The following SPTB variants were observed in gnomAD, a reference collection of about 807,000 sequenced individuals.
The protein encoded by SPTB is spectrin beta chain, erythrocytic.
Under a neutral mutation model 256.2 loss-of-function variants are expected in SPTB, and 45 were observed. That is an observed-to-expected ratio of 0.18 (90% CI 0.14 to 0.23). The LOEUF (loss-of-function observed/expected upper bound fraction) is 0.23, where lower values mean the gene tolerates loss of function less well. Ranked by LOEUF, SPTB falls within the 10% of genes least tolerant of loss-of-function variation. SPTB has a pLI of 1.00. For missense variants in SPTB, 2,715 were observed against 3,040.4 expected (o/e 0.89, Z 2.52); for synonymous variants, 1,231 against 1,243.1 (o/e 0.99, Z 0.21).
intron 19 of SPTB, among the ~76,000 whole-genome samples, chr14:64,783,428 C>T (rs924461716): frequency 6.6e-6 from 1 of 152,170 alleles, no homozygotes; most frequent in Non-Finnish European, 1.5e-5. Flanking sequence ...TCTCGAACTC[C>T]AGACCTCAGG....
chr14:64,808,148 G>A (rs997350583), intron 2 of SPTB, among the ~76,000 whole-genome samples: 2 of 152,218 alleles, frequency 1.3e-5, no homozygotes, highest in Non-Finnish European at 2.9e-5. Flanking sequence ...GAGTAGCTGG[G>A]ACTACAGGTG....
At chr14:64,810,900 G>A (rs998202071) in intron 2 of SPTB, among the ~76,000 whole-genome samples, 3 of 152,190 alleles carry the variant, frequency 2.0e-5, no homozygotes, top group Admixed American at 2.0e-4. Context: ...AGGATCACTT[G>A]AGGCCAGGAG....
intron 9 of SPTB, 71 bp from the exon 10 acceptor site, chr14:64,797,917 A>G (rs2082807762): frequency 1.1e-5 from 12 of 1,059,980 alleles, no homozygotes; most frequent in Non-Finnish European, 1.8e-5. Flanking sequence ...TAAAGTCAAC[A>G]CGGAACTGTG....
In SPTB at chr14:64,786,077, C is replaced by G; in HGVS notation, c.3562-126G>C. On this transcript the variant is annotated intron_variant, in intron 16 of 35. Transcript: ENST00000644917. The surrounding 1 kb of genome is among the most constrained non-coding windows in gnomAD (Gnocchi z 5.6). ...TATGAATGAGCCCCCTAGAGTAGTA[C>G]AGGGAGGAGGCACTACTCCCCAGGC... is the stretch of plus-strand genomic sequence containing the variant. The G allele has an allele frequency of 2.0e-6, 2 of 996,488 alleles. No individual in the cohort carries two copies. The highest frequency in any genetic ancestry group is 1.3e-5 in the South Asian group (1 of 74,858). The allele number at this position is 996,488 out of a possible 1,614,324, so 61.7% of individuals were successfully genotyped here.
chr14:64,797,825 C>T lies in SPTB; in HGVS notation c.1086G>A (p.Leu362=), dbSNP rs777496615. 1 of 1,613,990 alleles carries T rather than the reference C, an allele frequency of 6.2e-7. No individual in the cohort carries two copies. Among genetic ancestry groups the T allele is most frequent in the South Asian group, 1.1e-5 (1 of 91,074 alleles). Reference sequence around the variant, plus strand: ...ACTGGATGGTAAAAAGTAGAACTTCCAGATTCCCCTTCTCTTGAAACCTGT... The same window carrying T: ...ACTGGATGGTAAAAAGTAGAACTTCTAGATTCCCCTTCTCTTGAAACCTGT... ...KPPKFQEKGN[L]EVLLFTIQSR... The change falls in exon 10 of 36, where the codon CTG becomes CTA. Residue 362 remains leucine (L), a synonymous_variant. Transcript: ENST00000644917.
In SPTB at chr14:64,772,473, C is replaced by A. The variant is rs1037283593; in HGVS notation, c.5553+107G>T. 1 of 1,487,054 alleles carries A rather than the reference C, an allele frequency of 6.7e-7. No individual in the cohort carries two copies. Among genetic ancestry groups the A allele is most frequent in the South Asian group, 1.3e-5 (1 of 79,334 alleles). 92.1% of individuals were successfully genotyped at this position (1,487,054 alleles called of 1,614,324 possible). On this transcript the variant is annotated intron_variant, in intron 26 of 35. Coordinates refer to ENST00000644917, the MANE Select transcript of SPTB (RefSeq NM_001355436.2). The surrounding 1 kb of genome is among the most constrained non-coding windows in gnomAD (Gnocchi z 5.4). ...CTCCTGGCTGTCTAAGGAGGCAAAA[C>A]CTCCTGGCACTTATCCTAGAGGTTT...
intron 20 of SPTB, among the ~76,000 whole-genome samples, chr14:64,782,035 A>C (rs1283440868): frequency 6.6e-6 from 1 of 152,220 alleles, no homozygotes; most frequent in Non-Finnish European, 1.5e-5. Flanking sequence ...GAACACAAGG[A>C]AACAACAGAC....
At chr14:64,811,649 TA>T (rs1463313371) in intron 2 of SPTB, among the ~76,000 whole-genome samples, 2 of 152,208 alleles carry the variant, frequency 1.3e-5, no homozygotes, top group Non-Finnish European at 2.9e-5. Context: ...TCAGCAAATA[TA>T]ACAAAATATC....
chr14:64,801,321 G>T lies in SPTB; in HGVS notation c.727C>A (p.Arg243Ser). Residue 243 changes from arginine (R) to serine (S), a missense_variant, in exon 7 of 36, where the codon CGC (arginine) becomes AGC (serine). By Grantham distance (110) the Arg-to-Ser change is moderately radical (BLOSUM62 -1). This residue lies in a region of SPTB where 416 missense variants were observed against 571.1 expected (regional missense o/e 0.73). Coordinates refer to ENST00000644917, the MANE Select transcript of SPTB (RefSeq NM_001355436.2). ...NLEHAFNVAE[R>S]QLGIIPLLDP... is the part of the protein sequence containing the mutation. ...AGGAGCGGGATGATGCCCAGCTGGC[G>T]CTCAGCCACATTGAATGCGTGCTCC... 3 of 1,614,116 alleles carry T rather than the reference G, an allele frequency of 1.9e-6. No homozygotes were observed. Among genetic ancestry groups the T allele is most frequent in the Non-Finnish European group, 2.5e-6 (3 of 1,179,978 alleles).
rs2082300166 is a variant in SPTB, at chr14:64,772,908, A to G, written c.5225T>C (p.Ile1742Thr). 9 of 1,605,182 alleles carry G rather than the reference A, an allele frequency of 5.6e-6. No individual in the cohort carries two copies. The highest frequency in any genetic ancestry group is 1.1e-5 in the South Asian group (1 of 90,760). Reference protein sequence around the residue: ...FRDFARETGAIGQERVDNVNA... With the variant: ...FRDFARETGATGQERVDNVNA... ...CACATTGTCCACCCGCTCCTGCCCAATCGCCCCGGTCTCCCGGGCAAAGTC... is the reference window on the plus strand; with the variant it reads ...CACATTGTCCACCCGCTCCTGCCCAGTCGCCCCGGTCTCCCGGGCAAAGTC... The change falls in exon 26 of 36, where the codon ATT (isoleucine) becomes ACT (threonine). Residue 1742 changes from isoleucine to threonine, a missense_variant. Transcript: ENST00000644917. This position sits in a 1 kb window ranked among gnomAD's most constrained non-coding sequence, Gnocchi z 5.4.
rs2139422195 is a variant in SPTB at position 64,750,952 on chromosome 14, C to CATATTTTATACATCATATAATGT, written c.6603-821_6603-799dup. ...ATTATATATCATATACTATATAATA[C>CATATTTTATACATCATATAATGT]ATATTTTATACATCATATAATGTAT... On this transcript the variant is annotated intron_variant, in intron 33 of 35. Coordinates refer to ENST00000644917, the MANE Select transcript of SPTB (RefSeq NM_001355436.2). Among the ~76,000 whole-genome samples the CATATTTTATACATCATATAATGT allele has an allele frequency of 1.4e-5, 2 of 143,550 alleles. 1 individual carries two copies. Among genetic ancestry groups the CATATTTTATACATCATATAATGT allele is most frequent in the South Asian group, 4.2e-4 (2 of 4,720 alleles). 94.2% of individuals were successfully genotyped at this position (143,550 alleles called of 152,430 possible).
In SPTB at chr14:64,778,435, CAAG is replaced by C. The variant is rs1432694876; in HGVS notation, c.4563+719_4563+721del. 6.6e-6 allele frequency among the ~76,000 whole-genome samples: 1 copy of C among 152,146 alleles called. No homozygotes were observed. The highest frequency in any genetic ancestry group is 1.5e-5 in the Non-Finnish European group (1 of 68,024). On this transcript the variant is annotated intron_variant, in intron 22 of 35. Coordinates refer to ENST00000644917, the MANE Select transcript of SPTB (RefSeq NM_001355436.2). The surrounding 1 kb of genome is among the most constrained non-coding windows in gnomAD (Gnocchi z 5.2). ...CATGCAGAGGGAGGGTCTCTCTGTC[CAAG>C]AAGGGTCTGTGGCCATTCCCCTGGC...
intron 1 of SPTB, among the ~76,000 whole-genome samples, chr14:64,828,743 G>T (rs538772025): frequency 1.1e-4 from 16 of 152,302 alleles, no homozygotes; most frequent in African/African-American, 3.4e-4. Flanking sequence ...TTTTATGGCA[G>T]TTGAGTTGAA....
Position 64,772,526 on chromosome 14 carries a change from C to T in SPTB, c.5553+54G>A. On this transcript the variant is annotated intron_variant, in intron 26 of 35. Transcript: ENST00000644917. The surrounding 1 kb of genome is among the most constrained non-coding windows in gnomAD (Gnocchi z 5.4). Reference sequence around the variant, plus strand: ...CTGCTGACAGCCAGGTGGGGACTGACACCCAGGGCTCCTGGAAATTGGTAG... The same window carrying T: ...CTGCTGACAGCCAGGTGGGGACTGATACCCAGGGCTCCTGGAAATTGGTAG... 6.3e-7 allele frequency: 1 copy of T among 1,594,090 alleles called. No homozygotes were observed. Among genetic ancestry groups the T allele is most frequent in the Non-Finnish European group, 8.5e-7 (1 of 1,178,072 alleles).
rs2083338519 is a variant in SPTB at position 64,823,928 on chromosome 14, T to C, written c.-51-783A>G. On this transcript the variant is annotated intron_variant, in intron 1 of 35. Transcript: ENST00000644917. This position sits in a 1 kb window ranked among gnomAD's most constrained non-coding sequence, Gnocchi z 6.5. ...CCATGGACAATGGAACCGTGCATTG[T>C]GAGTCCATGTGATGAACCAGCGCAT... Among the ~76,000 whole-genome samples, 1 of 152,230 alleles carries C rather than the reference T, an allele frequency of 6.6e-6. No homozygotes were observed. Among genetic ancestry groups the C allele is most frequent in the Non-Finnish European group, 1.5e-5 (1 of 68,038 alleles).
At position 64,766,448 on chromosome 14, in the gene SPTB, T is replaced by C. The variant is rs1367820652; in HGVS notation, c.6345+278A>G. On this transcript the variant is annotated intron_variant, in intron 32 of 35. Transcript: ENST00000644917. ...TGATATATTTATACAATAAAATTTA[T>C]TACATTAGGTAAAACAAAACTAATA... is the stretch of plus-strand genomic sequence containing the variant. The C allele has an allele frequency of 2.1e-6, 3 of 1,418,062 alleles. No individual in the cohort carries two copies. In the African/African-American group the frequency reaches 4.3e-5, roughly 20 times the overall value. The allele number at this position is 1,418,062 out of a possible 1,614,324, so 87.8% of individuals were successfully genotyped here. A position where few individuals can be genotyped will look rare whatever the true frequency, so the allele number is the denominator to read the frequency against.
At position 64,801,513 on chromosome 14, in the gene SPTB, G is replaced by A. The variant is rs554874060; in HGVS notation, c.648-113C>T. ...AGGCAGGGAGGTGGTCAGGCAGGAG[G>A]AGTGAAAGGAGGAGATGGGAGCAGA... On this transcript the variant is annotated intron_variant, in intron 6 of 35. Coordinates refer to ENST00000644917, the MANE Select transcript of SPTB (RefSeq NM_001355436.2). 841 of 870,584 alleles carry A rather than the reference G, an allele frequency of 9.7e-4. 4 individuals carry two copies. Among genetic ancestry groups the A allele is most frequent in the South Asian group, 4.4e-3 (318 of 72,526 alleles). The allele number at this position is 870,584 out of a possible 1,614,324, so 53.9% of individuals were successfully genotyped here.
At chr14:64,773,800 G>T (rs2082314748) in intron 24 of SPTB, among the ~76,000 whole-genome samples, 1 of 152,148 alleles carries the variant, frequency 6.6e-6, no homozygotes, top group Non-Finnish European at 1.5e-5. Flanking sequence ...CTCCAGGGAG[G>T]GAAAAGACAT....
At chr14:64,763,980 T>G (rs2082130579) in intron 32 of SPTB, 1 of 477,816 alleles carries the variant, frequency 2.1e-6, no homozygotes, top group African/African-American at 2.0e-5. Context: ...GGGTGCCTGG[T>G]CCACTCCCAT....
Sources: gnomAD v4.1 joint callset for allele counts (sites outside exome capture counted in the v4.1 genomes callset) on GRCh38, gnomAD v4.1.1 for gene constraint, gnomAD v4.1.1 regional missense constraint, Gnocchi (gnomAD v3.1) non-coding constraint, MANE v1.5 for transcripts, NCBI Gene and HGNC (gene_info 2026-07-23, HGNC 2026-07-21) for gene names.